ACSL3: variants seen among roughly 807,000 people sequenced by gnomAD.
The protein encoded by ACSL3 is acyl-CoA synthetase long chain family member 3, also known as fatty acid CoA ligase Acsl3.
ACSL3 carries 34 observed loss-of-function variants against 84.7 expected under a neutral mutation model. The ratio of observed to expected loss-of-function variants is 0.40; its 90% CI spans 0.31 to 0.53. The LOEUF (loss-of-function observed/expected upper bound fraction) is 0.53, where lower values mean the gene tolerates loss of function less well. ACSL3 is among the 20% of genes least tolerant of loss of function. The pLI is 0.48. For missense variants in ACSL3, 680 were observed against 873.1 expected (o/e 0.78, Z 2.79); for synonymous variants, 315 against 299.4 (o/e 1.05, Z -0.54).
chr2:222,921,249 T>C (rs1696726207), intron 7 of ACSL3, 31 bp from the exon 8 acceptor site: 2 of 1,584,552 alleles, frequency 1.3e-6, no homozygotes, highest in Non-Finnish European at 1.7e-6. Flanking sequence ...CTCATGAAAG[T>C]GTATGTGTGT....
intron 1 of ACSL3, among the ~76,000 whole-genome samples, chr2:222,863,669 C>T (rs1001081440): frequency 6.6e-6 from 1 of 152,082 alleles, no homozygotes; most frequent in African/African-American, 2.4e-5. Context: ...ATCATAATGA[C>T]TCAAAAGTAT....
At chr2:222,895,229 T>C (rs1695944086) in intron 2 of ACSL3, among the ~76,000 whole-genome samples, 1 of 152,170 alleles carries the variant, frequency 6.6e-6, no homozygotes, top group Non-Finnish European at 1.5e-5. Context: ...TCACATCCAA[T>C]GATTTTGCTT....
chr2:222,899,133 T>C (rs1696070538), intron 2 of ACSL3, among the ~76,000 whole-genome samples: 1 of 152,160 alleles, frequency 6.6e-6, no homozygotes, highest in African/African-American at 2.4e-5. Flanking sequence ...ATGTAAAAAT[T>C]AGGTAAACAC....
intron 5 of ACSL3, chr2:222,917,379 G>T (rs1468112563): frequency 6.6e-6 from 1 of 152,238 alleles, no homozygotes; most frequent in African/African-American, 2.4e-5. Context: ...GTGAGCCACC[G>T]TGCTAGGCCT....
At chr2:222,939,217 C>T (rs777659776) in intron 16 of ACSL3, among the ~76,000 whole-genome samples, 1 of 152,106 alleles carries the variant, frequency 6.6e-6, no homozygotes, top group Non-Finnish European at 1.5e-5. Context: ...TTTGAAAAAT[C>T]AGCTACCTTT....
At chr2:222,864,247 G>T (rs1175299629) in intron 1 of ACSL3, among the ~76,000 whole-genome samples, 1 of 152,200 alleles carries the variant, frequency 6.6e-6, no homozygotes. Context: ...GAAGTGTTCA[G>T]CTGGAGCTGC....
Position 222,933,229 on chromosome 2 carries a change from C to T in ACSL3, c.1796C>T (p.Ala599Val), listed in dbSNP as rs1409820332. The T allele has an allele frequency of 6.2e-7, 1 of 1,613,884 alleles. No individual in the cohort carries two copies. Among genetic ancestry groups the T allele is most frequent in the African/African-American group, 1.3e-5 (1 of 75,020 alleles). The change falls in exon 15 of 17, where the codon GCA (alanine) becomes GTA (valine). Residue 599 changes from alanine (A) to valine (V), a missense_variant. Around this residue, in one of 2 missense-constraint regions of ACSL3, gnomAD observed 347 missense variants for 525.7 expected, o/e 0.66. Transcript: ENST00000357430. The stretch of plus-strand genomic sequence containing the variant: ...TATGTTTCTCTTGGGAAAGTAGAGG[C>T]AGCTTTGAAGAATCTTCCACTAGTA... Reference protein sequence around the residue: ...GEYVSLGKVEAALKNLPLVDN... With the variant: ...GEYVSLGKVEVALKNLPLVDN...
intron 3 of ACSL3, among the ~76,000 whole-genome samples, chr2:222,902,143 C>G (rs933810191): frequency 6.6e-6 from 1 of 152,062 alleles, no homozygotes; most frequent in South Asian, 2.1e-4. Context: ...ACTTATTTAA[C>G]TTGATACACT....
At chr2:222,930,855 T>G in intron 14 of ACSL3, 43 bp downstream of exon 14, 3 of 1,522,798 alleles carry the variant, frequency 2.0e-6, no homozygotes, top group Non-Finnish European at 2.7e-6. Flanking sequence ...GTTTCTGAAA[T>G]AGTTTACACA....
chr2:222,898,869 G>A (rs1288710197), intron 2 of ACSL3, among the ~76,000 whole-genome samples: 1 of 152,072 alleles, frequency 6.6e-6, no homozygotes, highest in South Asian at 2.1e-4. Context: ...AAAAAAAGAA[G>A]CATTGCTGTA....
rs968235110 is a variant in ACSL3, at chr2:222,944,248, G to A, written c.*2594G>A. On this transcript the variant is annotated 3_prime_UTR_variant, in exon 17 of 17. Transcript: ENST00000357430. Reference sequence around the variant, plus strand: ...GCAACGTTTAAAAATAGATTAACCTGGAATAACTTACTTGTTTGCTGCTAA... The same window carrying A: ...GCAACGTTTAAAAATAGATTAACCTAGAATAACTTACTTGTTTGCTGCTAA... The A allele has an allele frequency of 2.6e-5, 4 of 152,054 alleles. No individual in the cohort carries two copies. The highest frequency in any genetic ancestry group is 9.7e-5 in the African/African-American group (4 of 41,410). 9.4% of individuals were successfully genotyped at this position (152,054 alleles called of 1,614,324 possible). A position where few individuals can be genotyped will look rare whatever the true frequency, so the allele number is the denominator to read the frequency against.
chr2:222,915,303 A>G (rs1302933247), intron 4 of ACSL3, among the ~76,000 whole-genome samples: 1 of 152,202 alleles, frequency 6.6e-6, no homozygotes, highest in African/African-American at 2.4e-5. Context: ...TTATCCATCA[A>G]AATAAAAATT....
intron 4 of ACSL3, among the ~76,000 whole-genome samples, chr2:222,915,729 T>C (rs991041598): frequency 6.6e-6 from 1 of 152,194 alleles, no homozygotes; most frequent in Non-Finnish European, 1.5e-5. Context: ...TTGAATAATA[T>C]AACTAGTCCA....
At chr2:222,924,176 A>G (rs563178231) in intron 10 of ACSL3, among the ~76,000 whole-genome samples, 2 of 152,390 alleles carry the variant, frequency 1.3e-5, no homozygotes, top group South Asian at 4.1e-4. Context: ...CTTACAATTT[A>G]TATGAGTATC....
chr2:222,916,059 C>A (rs1272713545), intron 4 of ACSL3, among the ~76,000 whole-genome samples: 1 of 151,948 alleles, frequency 6.6e-6, no homozygotes, highest in African/African-American at 2.4e-5. Flanking sequence ...ATCAAACTCT[C>A]AATATTTTTG....
Position 222,908,763 on chromosome 2 carries a change from T to G in ACSL3, c.-10T>G. The G allele has an allele frequency of 6.4e-7, 1 of 1,568,934 alleles. No homozygotes were observed. The highest frequency in any genetic ancestry group is 8.6e-7 in the Non-Finnish European group (1 of 1,167,894). ...CGCTGAAGTCTGTTAATTCTACTTT[T>G]TGAGTACTTATGAATAACCACGTGT... On this transcript the variant is annotated 5_prime_UTR_variant, in exon 4 of 17. Coordinates refer to ENST00000357430, the MANE Select transcript of ACSL3 (RefSeq NM_004457.5).
Position 222,943,594 on chromosome 2 carries a change from ATTTAG to A in ACSL3, c.*1944_*1948del, listed in dbSNP as rs927768679. On this transcript the variant is annotated 3_prime_UTR_variant, in exon 17 of 17. Transcript: ENST00000357430. ...ATCTAATGAGGCAGGCTTAAACTCT[ATTTAG>A]TTTCGTTTGTTTTCTCATATGAAGT... The A allele has an allele frequency of 3.2e-5, 5 of 153,988 alleles. No individual in the cohort carries two copies. The highest frequency in any genetic ancestry group is 7.2e-5 in the Non-Finnish European group (5 of 69,152). The allele number at this position is 153,988 out of a possible 1,614,324, so 9.5% of individuals were successfully genotyped here. A position where few individuals can be genotyped will look rare whatever the true frequency, so the allele number is the denominator to read the frequency against.
At chr2:222,921,763 C>G (rs1037295616) in intron 8 of ACSL3, among the ~76,000 whole-genome samples, 3 of 151,974 alleles carry the variant, frequency 2.0e-5, no homozygotes, top group Non-Finnish European at 2.9e-5. Flanking sequence ...AATTTATCCA[C>G]TAAGTATTTG....
In ACSL3 at chr2:222,943,821, A is replaced by G. The variant is rs981868988; in HGVS notation, c.*2167A>G. The G allele has an allele frequency of 3.3e-5, 5 of 152,136 alleles. No homozygotes were observed. Among genetic ancestry groups the G allele is most frequent in the Non-Finnish European group, 7.4e-5 (5 of 67,990 alleles). The allele number at this position is 152,136 out of a possible 1,614,324, so 9.4% of individuals were successfully genotyped here. A position where few individuals can be genotyped will look rare whatever the true frequency, so the allele number is the denominator to read the frequency against. On this transcript the variant is annotated 3_prime_UTR_variant, in exon 17 of 17. Transcript: ENST00000357430. ...TCAATGAAAAAACCACTCAATTATG[A>G]CTCATATAAGAAATACTGGTTTAAC... is the stretch of plus-strand genomic sequence containing the variant.
Sources: allele counts gnomAD v4.1 joint callset (sites outside exome capture counted in the v4.1 genomes callset), GRCh38; gene constraint gnomAD v4.1.1; regional missense constraint gnomAD v4.1.1; transcripts MANE v1.5; gene names NCBI Gene and HGNC (gene_info 2026-07-23, HGNC 2026-07-21).